PDE1C: variants seen among roughly 807,000 people sequenced by gnomAD.
The protein encoded by PDE1C is phosphodiesterase 1C, also known as dual specificity calcium/calmodulin-dependent 3',5'-cyclic nucleotide phosphodiesterase 1C.
Under a neutral mutation model 93.1 loss-of-function variants are expected in PDE1C, and 62 were observed. The ratio of observed to expected loss-of-function variants is 0.67; its 90% CI spans 0.54 to 0.82. PDE1C has a LOEUF of 0.82. Among genes scored for constraint, PDE1C ranks in the 40% least tolerant of loss-of-function variants. PDE1C has a pLI of 0.00. For synonymous variants in PDE1C, 325 were observed against 310.1 expected, an observed-to-expected ratio of 1.05 and a Z score of -0.50; for missense variants, 742 against 884.6, an observed-to-expected ratio of 0.84 and a Z score of 2.04.
intron 15 of PDE1C, among the ~76,000 whole-genome samples, chr7:31,814,200 G>A (rs1037468224): frequency 6.6e-6 from 1 of 152,042 alleles, no homozygotes; most frequent in African/African-American, 2.4e-5. Flanking sequence ...ACATGTATGT[G>A]CAAGTATCTT....
chr7:32,364,049 G>A, intron 1 of PDE1C, among the ~76,000 whole-genome samples: 1 of 151,706 alleles, frequency 6.6e-6, no homozygotes, highest in East Asian at 1.9e-4. Flanking sequence ...TGACATCTGG[G>A]ATTCAGCATC....
chr7:32,381,834 A>G (rs1020572475), intron 1 of PDE1C, among the ~76,000 whole-genome samples: 4 of 152,082 alleles, frequency 2.6e-5, no homozygotes, highest in African/African-American at 9.7e-5. Flanking sequence ...ACTACCCCGC[A>G]CTGGGATATC....
rs1554461619 is a variant in PDE1C at position 32,005,578 on chromosome 7, A to AAAC, written c.128+45975_128+45976insGTT. ...TTCAAAAAAAAAAAAAAAAAAAAAA[A>AAAC]AAAGAATTGTGATCTGAGAAATCAC... is the stretch of plus-strand genomic sequence containing the variant. On this transcript the variant is annotated intron_variant, in intron 2 of 17. Coordinates refer to ENST00000396191, the MANE Select transcript of PDE1C (RefSeq NM_001191057.4). Among the ~76,000 whole-genome samples, 696 of 103,762 alleles carry AAAC rather than the reference A, an allele frequency of 6.7e-3. 97 individuals are homozygous for AAAC. The highest frequency in any genetic ancestry group is 0.027 in the African/African-American group (648 of 23,902). The allele number at this position is 103,762 out of a possible 152,430, so 68.1% of individuals were successfully genotyped here.
the PDE1C span, among the ~76,000 whole-genome samples, chr7:31,639,520 TTTTG>T: frequency 7.4e-5 from 10 of 134,464 alleles, no homozygotes; most frequent in Non-Finnish European, 1.1e-4. Flanking sequence ...ATAGTTTTTC[TTTTG>T]TTTGTTTGTT....
At chr7:32,141,837 T>C (rs1369918454) in intron 3 of PDE1C, among the ~76,000 whole-genome samples, 2 of 152,190 alleles carry the variant, frequency 1.3e-5, no homozygotes, top group Admixed American at 1.3e-4. Context: ...AAATATAAGA[T>C]GTTAACGTTA....
At chr7:31,890,426 G>T (rs1323433829) in intron 2 of PDE1C, among the ~76,000 whole-genome samples, 2 of 152,226 alleles carry the variant, frequency 1.3e-5, no homozygotes, top group Non-Finnish European at 2.9e-5. Flanking sequence ...AAGCAAGTTT[G>T]CAGGAAGATT....
intron 1 of PDE1C, among the ~76,000 whole-genome samples, chr7:32,267,695 C>T (rs1202680389): frequency 1.3e-5 from 2 of 151,748 alleles, no homozygotes; most frequent in African/African-American, 4.9e-5. Flanking sequence ...CTGGCAGTGA[C>T]AGGGAAGGCA....
chr7:32,067,568 C>G (rs2128721677), intron 1 of PDE1C, among the ~76,000 whole-genome samples: 1 of 152,236 alleles, frequency 6.6e-6, no homozygotes, highest in Non-Finnish European at 1.5e-5. Flanking sequence ...TAAAGACTAC[C>G]TCTCACCAGT....
intron 2 of PDE1C, among the ~76,000 whole-genome samples, chr7:32,181,484 A>C (rs1468955611): frequency 1.3e-5 from 2 of 152,176 alleles, no homozygotes; most frequent in South Asian, 4.1e-4. Flanking sequence ...TAGAACTCAG[A>C]ATTAAGAAAC....
chr7:32,038,114 G>A (rs182944212), intron 2 of PDE1C, among the ~76,000 whole-genome samples: 29 of 152,156 alleles, frequency 1.9e-4, no homozygotes, highest in Admixed American at 1.8e-3. Context: ...ATAAATACAG[G>A]GATCAAAAGA....
chr7:32,299,537 G>T, upstream of PDE1C: 1 of 499,482 alleles, frequency 2.0e-6, no homozygotes, highest in Non-Finnish European at 2.6e-6. Context: ...ATTTGGGTTT[G>T]CCCAATGTGA....
At chr7:32,273,893 G>C (rs549055231) in intron 1 of PDE1C, among the ~76,000 whole-genome samples, 1 of 152,122 alleles carries the variant, frequency 6.6e-6, no homozygotes, top group East Asian at 1.9e-4. Flanking sequence ...TACCTTGTTG[G>C]GTTCCTGAGA....
At chr7:31,670,006 A>G in the PDE1C span, among the ~76,000 whole-genome samples, 1 of 152,138 alleles carries the variant, frequency 6.6e-6, no homozygotes, top group Non-Finnish European at 1.5e-5. Context: ...CCTTCCTTCC[A>G]TCCCGTGACA....
intron 2 of PDE1C, among the ~76,000 whole-genome samples, chr7:31,998,147 G>A (rs1784978914): frequency 6.6e-6 from 1 of 152,026 alleles, no homozygotes; most frequent in Non-Finnish European, 1.5e-5. Flanking sequence ...AGCCTCCCGA[G>A]TAGCTGGGAC....
At chr7:31,886,373 A>G (rs1000395706) in intron 2 of PDE1C, among the ~76,000 whole-genome samples, 13 of 152,232 alleles carry the variant, frequency 8.5e-5, no homozygotes, top group African/African-American at 3.1e-4. Flanking sequence ...ATGTCACCCA[A>G]GCATTTTTCT....
chr7:32,127,401 G>C (rs112765994), intron 3 of PDE1C, among the ~76,000 whole-genome samples: 15 of 152,108 alleles, frequency 9.9e-5, no homozygotes, highest in Non-Finnish European at 1.8e-4. Context: ...AGAATACAGA[G>C]AAAATAACTG....
At chr7:31,956,376 G>A (rs903369236) in intron 2 of PDE1C, among the ~76,000 whole-genome samples, 1 of 152,068 alleles carries the variant, frequency 6.6e-6, no homozygotes, top group Non-Finnish European at 1.5e-5. Context: ...ACAGGTGTGA[G>A]CCACTGCACC....
intron 1 of PDE1C, among the ~76,000 whole-genome samples, chr7:32,360,520 A>G (rs1784117418): frequency 6.6e-6 from 1 of 152,166 alleles, no homozygotes; most frequent in Admixed American, 6.5e-5. Flanking sequence ...GTTCTTGTCC[A>G]TTCAGATGCT....
chr7:31,756,810 A>G (rs188842938), intron 17 of PDE1C, among the ~76,000 whole-genome samples: 259 of 152,300 alleles, frequency 1.7e-3, no homozygotes, highest in Middle Eastern at 6.8e-3. Flanking sequence ...AGATATAATA[A>G]CTAGGTGAAA....
Sources: allele counts gnomAD v4.1 joint callset (sites outside exome capture counted in the v4.1 genomes callset), GRCh38; gene constraint gnomAD v4.1.1; transcripts MANE v1.5; gene names NCBI Gene and HGNC (gene_info 2026-07-23, HGNC 2026-07-21).